LINGO2: variants seen among roughly 807,000 people sequenced by gnomAD.
LINGO2 encodes the protein leucine-rich repeat and immunoglobulin-like domain-containing nogo receptor-interacting protein 2.
In LINGO2, 14 loss-of-function variants were observed where a neutral mutation model predicts 30.6. That is an observed-to-expected ratio of 0.46 (90% confidence interval 0.30 to 0.72). The LOEUF (loss-of-function observed/expected upper bound fraction) is 0.72, where lower values mean the gene tolerates loss of function less well. Among genes scored for constraint, LINGO2 ranks in the 30% least tolerant of loss-of-function variants. The probability of loss-of-function intolerance (pLI) is 0.07; values close to 1 mark genes in which losing one functional copy is unlikely to be tolerated. For missense variants in LINGO2, 729 were observed against 751.7 expected, an observed-to-expected ratio of 0.97 and a Z score of 0.35; for synonymous variants, 317 against 288.5, an observed-to-expected ratio of 1.10 and a Z score of -1.00.
intron 4 of LINGO2, among the ~76,000 whole-genome samples, chr9:28,232,766 C>T (rs895955585): frequency 3.3e-5 from 5 of 151,682 alleles, no homozygotes; most frequent in Non-Finnish European, 7.4e-5. Flanking sequence ...TCCCTACTCC[C>T]TCACTCCCCA....
intron 3 of LINGO2, among the ~76,000 whole-genome samples, chr9:28,330,699 G>A (rs995235882): frequency 2.0e-5 from 3 of 152,110 alleles, no homozygotes; most frequent in African/African-American, 7.2e-5. Flanking sequence ...TGGACATGGT[G>A]GGCAGGTCTA....
At chr9:28,377,362 C>T (rs1370488710) in intron 2 of LINGO2, among the ~76,000 whole-genome samples, 2 of 152,158 alleles carry the variant, frequency 1.3e-5, no homozygotes, top group Non-Finnish European at 2.9e-5. Context: ...TTATGATTTA[C>T]TTAATAACAC....
chr9:28,062,698 T>TAAAATCAA (rs1825193197), intron 4 of LINGO2, among the ~76,000 whole-genome samples: 1 of 48,772 alleles, frequency 2.1e-5, no homozygotes, highest in African/African-American at 5.1e-5. Flanking sequence ...TGTATATATA[T>TAAAATCAA]ATACAAAATT....
rs919519225 is a variant in LINGO2 at position 28,078,245 on chromosome 9, G to A, written c.-86-65840C>T. On this transcript the variant is annotated intron_variant, in intron 4 of 5. Coordinates refer to ENST00000379992, the Ensembl canonical transcript of LINGO2. ...AGATGAGTTAACACTCAGGAAGTGT[G>A]TGTCTCCTGCCCAGATAGAACTGCA... is the stretch of plus-strand genomic sequence containing the variant. Among the ~76,000 whole-genome samples, 5 of 149,016 alleles carry A rather than the reference G, an allele frequency of 3.4e-5. 2 individuals are homozygous for A. Among genetic ancestry groups the A allele is most frequent in the African/African-American group, 1.3e-4 (5 of 38,386 alleles).
At chr9:29,005,962 T>G in the LINGO2 span, among the ~76,000 whole-genome samples, 1 of 151,980 alleles carries the variant, frequency 6.6e-6, no homozygotes, top group Non-Finnish European at 1.5e-5. Flanking sequence ...TGGATAGGAA[T>G]AGCTGACTGT....
chr9:29,112,618 G>A, the LINGO2 span, among the ~76,000 whole-genome samples: 1 of 152,080 alleles, frequency 6.6e-6, no homozygotes, highest in South Asian at 2.1e-4. Context: ...CAAACTCTTG[G>A]CACATTCATA....
chr9:28,336,372 T>C (rs1303731959), intron 3 of LINGO2, among the ~76,000 whole-genome samples: 1 of 152,156 alleles, frequency 6.6e-6, no homozygotes, highest in East Asian at 1.9e-4. Context: ...AATTTGTCTT[T>C]TCATCCTCTT....
In LINGO2 at chr9:27,994,838, T is replaced by A. The variant is rs559417119; in HGVS notation, c.-36+17517A>T. On this transcript the variant is annotated intron_variant, in intron 5 of 5. Coordinates refer to ENST00000379992, the Ensembl canonical transcript of LINGO2. ...ATCACAAAATCCCAATGCAGAACTCTCAGGGTGCTGCTGGCCCATTCCCTT... is the reference window on the plus strand; with the variant it reads ...ATCACAAAATCCCAATGCAGAACTCACAGGGTGCTGCTGGCCCATTCCCTT... Among the ~76,000 whole-genome samples the A allele has an allele frequency of 2.0e-5, 3 of 152,274 alleles. No homozygotes were observed. The East Asian group carries it at 5.8e-4, about 29-fold the overall frequency.
intron 1 of LINGO2, among the ~76,000 whole-genome samples, chr9:28,640,947 C>A (rs1365873600): frequency 6.6e-6 from 1 of 152,138 alleles, no homozygotes; most frequent in African/African-American, 2.4e-5. Flanking sequence ...TTTTCCCCAT[C>A]TTCATGGTTT....
chr9:28,068,154 G>A (rs1167964551), intron 4 of LINGO2, among the ~76,000 whole-genome samples: 2 of 152,094 alleles, frequency 1.3e-5, no homozygotes, highest in East Asian at 1.9e-4. Context: ...TTCATGTAGT[G>A]TATGCATATA....
At chr9:28,589,222 T>C (rs1824737071) in intron 1 of LINGO2, among the ~76,000 whole-genome samples, 1 of 152,024 alleles carries the variant, frequency 6.6e-6, no homozygotes, top group African/African-American at 2.4e-5. Context: ...CTGGAAGCAT[T>C]CCCTTTGAAA....
chr9:28,457,983 T>G (rs1824919860), intron 2 of LINGO2, among the ~76,000 whole-genome samples: 1 of 152,184 alleles, frequency 6.6e-6, no homozygotes, highest in African/African-American at 2.4e-5. Context: ...TCAATGAGAA[T>G]ACTTTACAAG....
the LINGO2 span, among the ~76,000 whole-genome samples, chr9:28,915,790 C>T: frequency 3.9e-5 from 6 of 152,070 alleles, no homozygotes; most frequent in African/African-American, 1.4e-4. Context: ...ATGTATTATC[C>T]CTGTCCTGAG....
At chr9:28,401,450 T>C (rs978616368) in intron 2 of LINGO2, among the ~76,000 whole-genome samples, 1 of 152,204 alleles carries the variant, frequency 6.6e-6, no homozygotes, top group Non-Finnish European at 1.5e-5. Flanking sequence ...TCCATGTCCC[T>C]GCAAAGGACA....
At chr9:28,490,445 T>C (rs1826351150) in intron 1 of LINGO2, among the ~76,000 whole-genome samples, 1 of 152,176 alleles carries the variant, frequency 6.6e-6, no homozygotes, top group African/African-American at 2.4e-5. Context: ...TTTAAAAACT[T>C]CCCAGGTAAA....
chr9:28,684,183 T>G, the LINGO2 span, among the ~76,000 whole-genome samples: 3 of 118,902 alleles, frequency 2.5e-5, no homozygotes, highest in African/African-American at 9.4e-5. Context: ...ATCTTTTTTT[T>G]TTTTTTTTTT....
At chr9:28,637,217 T>C (rs925084078) in intron 1 of LINGO2, among the ~76,000 whole-genome samples, 2 of 152,186 alleles carry the variant, frequency 1.3e-5, no homozygotes, top group African/African-American at 4.8e-5. Flanking sequence ...CTGTTTTGGT[T>C]ACTGTAGCCT....
At chr9:28,562,220 G>T (rs1394087892) in intron 1 of LINGO2, among the ~76,000 whole-genome samples, 1 of 151,780 alleles carries the variant, frequency 6.6e-6, no homozygotes, top group Non-Finnish European at 1.5e-5. Flanking sequence ...GGAAATAGAA[G>T]GTCTACTTTT....
At chr9:28,121,602 G>A (rs1039273649) in intron 4 of LINGO2, among the ~76,000 whole-genome samples, 14 of 152,076 alleles carry the variant, frequency 9.2e-5, no homozygotes, top group African/African-American at 1.2e-4. Flanking sequence ...GAAATCAGCC[G>A]GGTCTCTTGG....
Sources: allele counts gnomAD v4.1 joint callset (sites outside exome capture counted in the v4.1 genomes callset), GRCh38; gene constraint gnomAD v4.1.1; transcripts MANE v1.5; gene names NCBI Gene and HGNC (gene_info 2026-07-23, HGNC 2026-07-21).